Variants in TRMT10B observed in about 807,000 individuals in gnomAD.
TRMT10B encodes the protein tRNA methyltransferase 10B.
In TRMT10B, 33 loss-of-function variants were observed where a neutral mutation model predicts 43.8. That is an observed-to-expected ratio of 0.75 (90% CI 0.57 to 1.01). The LOEUF is 1.01. TRMT10B is among the 50% of genes least tolerant of loss of function. TRMT10B has a pLI of 0.00. For synonymous variants in TRMT10B, 137 were observed against 130.6 expected (o/e 1.05, Z -0.34); for missense variants, 362 against 369.8 (o/e 0.98, Z 0.17).
chr9:37,769,989 CT>C lies in TRMT10B; in HGVS notation c.624del (p.Val209CysfsTer3). The C allele has an allele frequency of 6.2e-7, 1 of 1,614,104 alleles. No homozygotes were observed. The highest frequency in any genetic ancestry group is 8.5e-7 in the Non-Finnish European group (1 of 1,179,966). ...DCFSLFPLET[L>X]VYLTPDSEHA... ...CTTTAGTTTATTTCCCTTGGAAACC[CT>C]TGTGTACCTGACTCCTGACTCAGAA... On this transcript the variant is annotated frameshift_variant, in exon 6 of 9. Transcript: ENST00000297994. LOFTEE classifies it high-confidence loss of function.
Position 37,762,098 on chromosome 9 carries a change from G to A in TRMT10B, c.167G>A (p.Gly56Asp). Residue 56 changes from glycine to aspartate, a missense_variant, in exon 2 of 9, where the codon GGC becomes GAC. Gly to Asp is a moderately conservative substitution (Grantham distance 94). Transcript: ENST00000297994. ...ECQEGEILATGSTAWCSKNVQ... is the reference protein window; with the variant it reads ...ECQEGEILATDSTAWCSKNVQ... ...CAGGAGGGAGAGATCCTGGCCACAG[G>A]CAGTACGGCATGGTGCTCGGTGAGT... is the stretch of plus-strand genomic sequence containing the variant. The A allele has an allele frequency of 1.2e-6, 2 of 1,613,892 alleles. No homozygotes were observed. The highest frequency in any genetic ancestry group is 1.7e-6 in the Non-Finnish European group (2 of 1,179,866).
chr9:37,765,076 A>T (rs1826835758), intron 4 of TRMT10B, among the ~76,000 whole-genome samples: 2 of 152,108 alleles, frequency 1.3e-5, no homozygotes, highest in African/African-American at 4.8e-5. Flanking sequence ...GGATAAAGAG[A>T]TTATGCCTTG....
In TRMT10B at chr9:37,775,761, T is replaced by C. The variant is rs1009943202; in HGVS notation, c.721-521T>C. Among the ~76,000 whole-genome samples the C allele has an allele frequency of 4.6e-5, 7 of 152,318 alleles. No homozygotes were observed. The East Asian group carries it at 1.2e-3, about 25-fold the overall frequency. ...TATGTTGCTCAGGCTGGTCTTGAAC[T>C]CCTGGGCTCAAGCAGTCCTCTGGCC... On this transcript the variant is annotated intron_variant, in intron 7 of 8. Transcript: ENST00000297994.
intron 1 of TRMT10B, among the ~76,000 whole-genome samples, chr9:37,754,834 C>G (rs554054624): frequency 6.6e-6 from 1 of 152,178 alleles, no homozygotes; most frequent in Non-Finnish European, 1.5e-5. Context: ...TAAATGAAAT[C>G]TCACTTCTTG....
chr9:37,774,219 G>A (rs544282084), intron 7 of TRMT10B, among the ~76,000 whole-genome samples: 2 of 152,210 alleles, frequency 1.3e-5, no homozygotes, highest in African/African-American at 4.8e-5. Context: ...CCATGCTGGT[G>A]TCGAACTGCT....
At chr9:37,762,466 C>A in intron 2 of TRMT10B, 111 bp from the exon 3 acceptor site, 1 of 1,423,178 alleles carries the variant, frequency 7.0e-7, no homozygotes, top group Non-Finnish European at 9.4e-7. Flanking sequence ...TTTCCTCTTT[C>A]TCTCCAAACT....
chr9:37,763,542 C>A, intron 3 of TRMT10B, 87 bp from the exon 4 acceptor site: 1 of 1,201,378 alleles, frequency 8.3e-7, no homozygotes, highest in Non-Finnish European at 1.2e-6. Context: ...TCTTTATATG[C>A]AAAATACCCA....
At chr9:37,768,372 T>A in intron 5 of TRMT10B, 144 bp downstream of exon 5, 1 of 931,742 alleles carries the variant, frequency 1.1e-6, no homozygotes, top group Non-Finnish European at 1.6e-6. Context: ...GTTCTTAAAT[T>A]TAAAATTTTT....
intron 4 of TRMT10B, chr9:37,767,636 G>A (rs910274845): frequency 2.6e-5 from 4 of 151,502 alleles, no homozygotes; most frequent in African/African-American, 9.8e-5. Flanking sequence ...TTATATAAGA[G>A]CATTGTCTGT....
At chr9:37,762,508 C>G in intron 2 of TRMT10B, 69 bp from the exon 3 acceptor site, 1 of 1,511,304 alleles carries the variant, frequency 6.6e-7, no homozygotes. Flanking sequence ...GCAAATGTTT[C>G]TAATGTTCAT....
At chr9:37,761,696 CAAA>C (rs1203520924) in intron 1 of TRMT10B, among the ~76,000 whole-genome samples, 16 of 152,278 alleles carry the variant, frequency 1.1e-4, no homozygotes, top group African/African-American at 3.8e-4. Flanking sequence ...AAAACCGTCT[CAAA>C]CAAACAAAAC....
chr9:37,763,877 G>T, intron 4 of TRMT10B, 124 bp downstream of exon 4: 2 of 1,568,350 alleles, frequency 1.3e-6, no homozygotes. Flanking sequence ...TAAAGTGTTT[G>T]ATTTTCTATA....
chr9:37,763,211 C>T (rs984174523), intron 3 of TRMT10B, among the ~76,000 whole-genome samples: 3 of 144,808 alleles, frequency 2.1e-5, no homozygotes, highest in Non-Finnish European at 4.5e-5. Context: ...AGCTATCTAA[C>T]TAACGTGTTT....
At chr9:37,770,856 AAG>A in intron 7 of TRMT10B, 117 bp downstream of exon 7, 1 of 1,067,034 alleles carries the variant, frequency 9.4e-7, no homozygotes, top group South Asian at 1.8e-5. Context: ...AACAGGAAGA[AAG>A]AGCCATCCCC....
Position 37,762,221 on chromosome 9 carries a change from G to A in TRMT10B, c.186+104G>A. ...GGTAGTGAAAAGAGAGACGGAATGA[G>A]TTTTGTGTATTCTGAGTGATGAATT... On this transcript the variant is annotated intron_variant, in intron 2 of 8. Coordinates refer to ENST00000297994, the MANE Select transcript of TRMT10B (RefSeq NM_144964.4). 2.4e-6 allele frequency: 3 copies of A among 1,272,264 alleles called. No homozygotes were observed. In the South Asian group the frequency reaches 4.7e-5, roughly 20 times the overall value. The allele number at this position is 1,272,264 out of a possible 1,614,324, so 78.8% of individuals were successfully genotyped here.
intron 1 of TRMT10B, among the ~76,000 whole-genome samples, chr9:37,754,424 A>AC (rs1354601692): frequency 1.3e-5 from 2 of 152,144 alleles, no homozygotes; most frequent in African/African-American, 2.4e-5. Flanking sequence ...TGCAGAGGAA[A>AC]CGAGAAAGGT....
intron 7 of TRMT10B, among the ~76,000 whole-genome samples, chr9:37,776,019 G>A (rs1415062337): frequency 6.6e-6 from 1 of 152,184 alleles, no homozygotes; most frequent in Non-Finnish European, 1.5e-5. Context: ...TAGACTGCTT[G>A]GGCCTTTTGA....
chr9:37,772,428 G>A (rs994067476), intron 7 of TRMT10B, among the ~76,000 whole-genome samples: 2 of 151,608 alleles, frequency 1.3e-5, no homozygotes, highest in Non-Finnish European at 2.9e-5. Flanking sequence ...CTGGGATTAC[G>A]GGTGTGAGCC....
chr9:37,756,143 C>A (rs1355631396), intron 1 of TRMT10B, among the ~76,000 whole-genome samples: 1 of 152,110 alleles, frequency 6.6e-6, no homozygotes, highest in Non-Finnish European at 1.5e-5. Context: ...AATGAATGGT[C>A]AACACAGGTA....
Sources: allele counts gnomAD v4.1 joint callset (sites outside exome capture counted in the v4.1 genomes callset), GRCh38; gene constraint gnomAD v4.1.1; transcripts MANE v1.5; gene names NCBI Gene and HGNC (gene_info 2026-07-23, HGNC 2026-07-21).